The following MSRA variants were observed in gnomAD, a reference collection of about 807,000 sequenced individuals.
MSRA encodes methionine sulfoxide reductase A.
In MSRA, 54 loss-of-function variants were observed where a neutral mutation model predicts 31.3. The observed-to-expected ratio is 1.73, with a 90% CI of 1.39 to 2.17. The LOEUF (loss-of-function observed/expected upper bound fraction) is 2.17, where lower values mean the gene tolerates loss of function less well. Among genes scored for constraint, MSRA ranks in the 30% most tolerant of loss-of-function variants. The probability of loss-of-function intolerance (pLI) is 0.00; values close to 1 mark genes in which losing one functional copy is unlikely to be tolerated. For missense variants in MSRA, 507 were observed against 300.9 expected (o/e 1.69, Z -5.07); for synonymous variants, 169 against 116.5 (o/e 1.45, Z -2.90).
rs1035549125 is a variant in MSRA at position 10,290,770 on chromosome 8, A to G, written c.332-10764A>G. Among the ~76,000 whole-genome samples, 7 of 152,218 alleles carry G rather than the reference A, an allele frequency of 4.6e-5. No homozygotes were observed. The East Asian group carries it at 1.3e-3, about 29-fold the overall frequency. On this transcript the variant is annotated intron_variant, in intron 3 of 5. Coordinates refer to ENST00000317173, the MANE Select transcript of MSRA (RefSeq NM_012331.5). ...TAATTCAGTAGCATCAAGGAATCAT[A>G]GTTTCTCAGTGTGCAATACCCTTGT...
intron 3 of MSRA, among the ~76,000 whole-genome samples, chr8:10,264,571 A>G (rs911860260): frequency 2.0e-5 from 3 of 152,186 alleles, no homozygotes; most frequent in African/African-American, 7.2e-5. Context: ...GGTGGGTGCA[A>G]CAGGGAGCTG....
intron 1 of MSRA, among the ~76,000 whole-genome samples, chr8:10,120,329 G>T (rs1424136563): frequency 6.6e-6 from 1 of 152,080 alleles, no homozygotes; most frequent in Non-Finnish European, 1.5e-5. Context: ...ATTCTCATTG[G>T]GTGAGCAAGA....
chr8:10,188,826 T>C (rs1324303709), intron 1 of MSRA, among the ~76,000 whole-genome samples: 1 of 152,248 alleles, frequency 6.6e-6, no homozygotes, highest in African/African-American at 2.4e-5. Context: ...TTCCAACTGA[T>C]AGTTCCAAAT....
chr8:10,401,148 A>T (rs1008369801), intron 5 of MSRA, among the ~76,000 whole-genome samples: 3 of 152,202 alleles, frequency 2.0e-5, no homozygotes, highest in African/African-American at 2.4e-5. Flanking sequence ...TTAGCAAATC[A>T]TATATCTGAT....
At chr8:10,370,520 T>C (rs1314519566) in intron 5 of MSRA, among the ~76,000 whole-genome samples, 2 of 152,246 alleles carry the variant, frequency 1.3e-5, no homozygotes, top group Non-Finnish European at 2.9e-5. Context: ...TGTCATTTAA[T>C]CATTTATTCA....
chr8:10,282,905 A>C (rs1335348220), intron 3 of MSRA, among the ~76,000 whole-genome samples: 1 of 152,144 alleles, frequency 6.6e-6, no homozygotes, highest in Non-Finnish European at 1.5e-5. Context: ...ATTTGCATGT[A>C]ATTAGCCTCC....
chr8:10,230,310 G>T (rs1233751118), intron 2 of MSRA, among the ~76,000 whole-genome samples: 1 of 152,204 alleles, frequency 6.6e-6, no homozygotes, highest in South Asian at 2.1e-4. Context: ...AAGACTTAAG[G>T]GAGAAGGTTA....
intron 3 of MSRA, among the ~76,000 whole-genome samples, chr8:10,295,751 C>T (rs1272515127): frequency 6.6e-6 from 1 of 152,148 alleles, no homozygotes; most frequent in Non-Finnish European, 1.5e-5. Flanking sequence ...GATCTGCAGC[C>T]CAGGCAGCAG....
intron 1 of MSRA, among the ~76,000 whole-genome samples, chr8:10,081,090 G>A (rs1007149697): frequency 3.9e-5 from 6 of 152,220 alleles, no homozygotes; most frequent in African/African-American, 1.4e-4. Context: ...CACAGGCCAA[G>A]CCAACACAGC....
chr8:10,377,087 A>G (rs556728967), intron 5 of MSRA, among the ~76,000 whole-genome samples: 1 of 152,384 alleles, frequency 6.6e-6, no homozygotes, highest in South Asian at 2.1e-4. Context: ...ACTAACTTCT[A>G]GCAGTAATTC....
chr8:10,296,742 G>C (rs1489124834), intron 3 of MSRA, among the ~76,000 whole-genome samples: 1 of 152,190 alleles, frequency 6.6e-6, no homozygotes, highest in African/African-American at 2.4e-5. Context: ...TGGGTCCCGA[G>C]GAAAGGCATG....
At chr8:10,172,405 G>A (rs1585088743) in intron 1 of MSRA, among the ~76,000 whole-genome samples, 1 of 152,132 alleles carries the variant, frequency 6.6e-6, no homozygotes, top group Non-Finnish European at 1.5e-5. Context: ...TGTCTCTGAA[G>A]CTTGAGCGGA....
intron 5 of MSRA, among the ~76,000 whole-genome samples, chr8:10,413,355 G>C (rs1808268202): frequency 6.6e-6 from 1 of 152,202 alleles, no homozygotes; most frequent in Admixed American, 6.5e-5. Context: ...ACACCTGAAA[G>C]AGAAGACAGA....
Position 10,379,294 on chromosome 8 carries a change from A to G in MSRA, c.544-48854A>G, listed in dbSNP as rs1805920812. On this transcript the variant is annotated intron_variant, in intron 5 of 5. Coordinates refer to ENST00000317173, the MANE Select transcript of MSRA (RefSeq NM_012331.5). ...CTCAACATGAAGTGATCCAAAGAAG[A>G]TTGCTTAACGAAGAAAAAAAAAAAA... Among the ~76,000 whole-genome samples, 5 of 152,058 alleles carry G rather than the reference A, an allele frequency of 3.3e-5. No homozygotes were observed. In the South Asian group the frequency reaches 1.0e-3, roughly 32 times the overall value.
intron 3 of MSRA, among the ~76,000 whole-genome samples, chr8:10,253,700 A>G (rs1024612417): frequency 6.6e-5 from 10 of 152,190 alleles, no homozygotes; most frequent in Non-Finnish European, 1.2e-4. Flanking sequence ...GATGTTTTCA[A>G]ATCACATCTA....
intron 1 of MSRA, among the ~76,000 whole-genome samples, chr8:10,207,532 C>T (rs535798074): frequency 9.2e-5 from 14 of 152,300 alleles, no homozygotes; most frequent in African/African-American, 3.1e-4. Flanking sequence ...AGAAGAGGGA[C>T]TCTGGCTGGG....
chr8:10,077,119 A>G (rs1022856927), intron 1 of MSRA, among the ~76,000 whole-genome samples: 1 of 152,146 alleles, frequency 6.6e-6, no homozygotes, highest in African/African-American at 2.4e-5. Flanking sequence ...AAAAGCAAAA[A>G]GAGTACTCAG....
At chr8:10,409,424 G>A (rs1036574301) in intron 5 of MSRA, among the ~76,000 whole-genome samples, 1 of 152,104 alleles carries the variant, frequency 6.6e-6, no homozygotes, top group Non-Finnish European at 1.5e-5. Context: ...CTTGTCACAC[G>A]GGGACATGGA....
intron 5 of MSRA, among the ~76,000 whole-genome samples, chr8:10,395,566 C>G (rs141302416): frequency 1.3e-5 from 2 of 152,252 alleles, no homozygotes; most frequent in African/African-American, 2.4e-5. Flanking sequence ...CACTGATGTT[C>G]GAGGAGTTTG....
Sources: allele counts gnomAD v4.1 joint callset (sites outside exome capture counted in the v4.1 genomes callset), GRCh38; gene constraint gnomAD v4.1.1; transcripts MANE v1.5; gene names NCBI Gene and HGNC (gene_info 2026-07-23, HGNC 2026-07-21).